Variants in FAM131B observed in about 807,000 individuals in gnomAD.
FAM131B encodes the protein family with sequence similarity 131 member B.
A neutral mutation model predicts 42.0 loss-of-function variants in FAM131B; 19 were observed. The observed-to-expected ratio is 0.45, with a 90% CI of 0.32 to 0.66. FAM131B has a LOEUF of 0.66. Ranked by LOEUF, FAM131B falls within the 30% of genes least tolerant of loss-of-function variation. The pLI, the probability that FAM131B is intolerant of heterozygous loss-of-function variation, is 0.05. For missense variants in FAM131B, 370 were observed against 468.4 expected (o/e 0.79, Z 1.94); for synonymous variants, 183 against 177.6 (o/e 1.03, Z -0.24).
At position 143,359,363 on chromosome 7, in the gene FAM131B, G is replaced by C. The variant is rs1803839281; in HGVS notation, c.231C>G (p.Ala77=). The C allele has an allele frequency of 6.2e-7, 1 of 1,613,778 alleles. No individual in the cohort carries two copies. Among genetic ancestry groups the C allele is most frequent in the Non-Finnish European group, 8.5e-7 (1 of 1,179,986 alleles). The stretch of plus-strand genomic sequence containing the variant: ...ACTTGGCCAGGGCCCCAATGCCATA[G>C]GCGTTAGAGTTTCGCTTAAGCTTCG... ...ILPKLKRNSN[A]YGIGALAKSS... Residue 77 remains alanine, a synonymous_variant, in exon 4 of 7, where the codon GCC becomes GCG. Transcript: ENST00000443739. This position sits in a 1 kb window ranked among gnomAD's most constrained non-coding sequence, Gnocchi z 5.4.
At position 143,358,117 on chromosome 7, in the gene FAM131B, T is replaced by C. The variant is rs547494034; in HGVS notation, c.467-694A>G. 3.1e-4 allele frequency among the ~76,000 whole-genome samples: 47 copies of C among 152,250 alleles called. No individual in the cohort carries two copies. Among genetic ancestry groups the C allele is most frequent in the African/African-American group, 1.0e-3 (43 of 41,542 alleles). On this transcript the variant is annotated intron_variant, in intron 5 of 6. Transcript: ENST00000443739. The surrounding 1 kb of genome is among the most constrained non-coding windows in gnomAD (Gnocchi z 4.7). ...AAAAGGGGATGGGTAGACCTGGGGA[T>C]CCCTATTCTAGTCAAATCCATGAGC...
chr7:143,359,015 C>G lies in FAM131B; in HGVS notation c.278G>C (p.Arg93Pro). The G allele has an allele frequency of 1.2e-6, 2 of 1,613,708 alleles. No individual in the cohort carries two copies. Among genetic ancestry groups the G allele is most frequent in the Non-Finnish European group, 1.7e-6 (2 of 1,180,002 alleles). Residue 93 changes from arginine (R) to proline (P), a missense_variant, in exon 5 of 7, where the codon CGG becomes CCG. Coordinates refer to ENST00000443739, the MANE Select transcript of FAM131B (RefSeq NM_001031690.3). The surrounding 1 kb of genome is among the most constrained non-coding windows in gnomAD (Gnocchi z 5.4). ...LAKSSFSGIS[R>P]SMKDHVTKPT... The stretch of plus-strand genomic sequence containing the variant: ...CTTTGTCACATGGTCCTTCATGCTC[C>G]GTGAGATCCCTATGGGGCCAGACAT...
At position 143,356,542 on chromosome 7, in the gene FAM131B, G is replaced by T; in HGVS notation, c.*8C>A. 1 of 1,602,726 alleles carries T rather than the reference G, an allele frequency of 6.2e-7. No homozygotes were observed. Among genetic ancestry groups the T allele is most frequent in the Non-Finnish European group, 8.5e-7 (1 of 1,170,592 alleles). ...TGGGAGTGGAAGGCAGGGCATTGGG[G>T]GAGGAAACTAGTTGTTGGCCTCGCC... On this transcript the variant is annotated 3_prime_UTR_variant, in exon 7 of 7. Transcript: ENST00000443739. The surrounding 1 kb of genome is among the most constrained non-coding windows in gnomAD (Gnocchi z 4.4).
At chr7:143,378,936 A>G in the FAM131B span, among the ~76,000 whole-genome samples, 2 of 152,156 alleles carry the variant, frequency 1.3e-5, no homozygotes, top group Non-Finnish European at 2.9e-5. Context: ...TTGGGCAGTG[A>G]TTCTGTTCTT....
chr7:143,365,466 A>G (rs1171152267), upstream of FAM131B, among the ~76,000 whole-genome samples: 1 of 152,200 alleles, frequency 6.6e-6, no homozygotes, highest in Admixed American at 6.5e-5. Flanking sequence ...TTTTCAGTCT[A>G]TTCTTCCAAA....
chr7:143,361,840 C>G (rs954040850), intron 1 of FAM131B: 4 of 157,076 alleles, frequency 2.5e-5, no homozygotes. Flanking sequence ...CCCCGGCCGC[C>G]GAGGCAGGGC....
chr7:143,381,284 C>G, the FAM131B span: 1 of 1,076,526 alleles, frequency 9.3e-7, no homozygotes, highest in Non-Finnish European at 1.1e-6. Flanking sequence ...CCTCTCTTCT[C>G]CCTCCCTCCT....
the FAM131B span, chr7:143,382,087 A>T: frequency 1.5e-6 from 1 of 652,940 alleles, no homozygotes; most frequent in Non-Finnish European, 2.6e-6. Context: ...GCCTTTCCTG[A>T]CCTGGTACTC....
At chr7:143,366,559 CT>C (rs34519209), upstream of FAM131B, among the ~76,000 whole-genome samples, 355 of 138,240 alleles carry the variant, frequency 2.6e-3, no homozygotes, top group Middle Eastern at 3.8e-3. Flanking sequence ...GGTCTGTATT[CT>C]TTTTTTTTTT....
At chr7:143,378,587 T>C in the FAM131B span, among the ~76,000 whole-genome samples, 2 of 151,194 alleles carry the variant, frequency 1.3e-5, 1 homozygote. Context: ...TTTTTTTTTT[T>C]TTTTGAGATG....
the FAM131B span, chr7:143,381,762 C>T: frequency 6.3e-6 from 10 of 1,577,004 alleles, no homozygotes; most frequent in Admixed American, 1.8e-5. Context: ...GGCGAGATTC[C>T]CCCGCCGCCC....
chr7:143,376,503 C>T, the FAM131B span, among the ~76,000 whole-genome samples: 79 of 152,312 alleles, frequency 5.2e-4, no homozygotes, highest in East Asian at 2.7e-3. Flanking sequence ...AAGAAGGAAA[C>T]GTGGGCATTT....
chr7:143,372,218 G>T, the FAM131B span, among the ~76,000 whole-genome samples: 2 of 152,196 alleles, frequency 1.3e-5, no homozygotes, highest in African/African-American at 4.8e-5. Flanking sequence ...TTTCTGTAGT[G>T]CCACCCAGCT....
In FAM131B at chr7:143,359,858, G is replaced by A. The variant is rs1803871361; in HGVS notation, c.139-91C>T. On this transcript the variant is annotated intron_variant, in intron 2 of 6. Transcript: ENST00000443739. The surrounding 1 kb of genome is among the most constrained non-coding windows in gnomAD (Gnocchi z 5.4). ...CCTCAGAGGGCCTTCCAGGAGTGCGGGATGTGGGGAGGGCTTTCCTGAGGT... is the reference window on the plus strand; with the variant it reads ...CCTCAGAGGGCCTTCCAGGAGTGCGAGATGTGGGGAGGGCTTTCCTGAGGT... 4 of 1,290,640 alleles carry A rather than the reference G, an allele frequency of 3.1e-6. No individual in the cohort carries two copies. Among genetic ancestry groups the A allele is most frequent in the Non-Finnish European group, 4.4e-6 (4 of 912,176 alleles). 79.9% of individuals were successfully genotyped at this position (1,290,640 alleles called of 1,614,324 possible).
the FAM131B span, among the ~76,000 whole-genome samples, chr7:143,377,021 G>A: frequency 6.6e-6 from 1 of 152,180 alleles, no homozygotes; most frequent in Non-Finnish European, 1.5e-5. Context: ...CCAGGATGGA[G>A]TGCAGTGGCA....
Position 143,356,862 on chromosome 7 carries a change from T to A in FAM131B, c.771A>T (p.Gln257His). The change falls in exon 7 of 7, where the codon CAA becomes CAT. Residue 257 changes from glutamine (Q) to histidine (H), a missense_variant. Transcript: ENST00000443739. The surrounding 1 kb of genome is among the most constrained non-coding windows in gnomAD (Gnocchi z 4.4). ...SYLGPAFDDS[Q>H]PSLHEMGPSQ... ...AAGGTCCCATTTCATGCAAGCTGGGTTGTGAGTCATCAAATGCAGGCCCAA... is the reference window on the plus strand; with the variant it reads ...AAGGTCCCATTTCATGCAAGCTGGGATGTGAGTCATCAAATGCAGGCCCAA... The A allele has an allele frequency of 1.9e-6, 3 of 1,613,998 alleles. No homozygotes were observed. The highest frequency in any genetic ancestry group is 2.5e-6 in the Non-Finnish European group (3 of 1,180,012).
rs1803601646 is a variant in FAM131B, at chr7:143,355,326, A to G, written c.*1224T>C. On this transcript the variant is annotated 3_prime_UTR_variant, in exon 7 of 7. Transcript: ENST00000443739. This position sits in a 1 kb window ranked among gnomAD's most constrained non-coding sequence, Gnocchi z 4.1. The stretch of plus-strand genomic sequence containing the variant: ...GTGCCTCACCATACACCATCCTGGA[A>G]GGAAGAATCCGCTGATTTTCCTCTC... 6.6e-6 allele frequency: 1 copy of G among 152,318 alleles called. No individual in the cohort carries two copies. Among genetic ancestry groups the G allele is most frequent in the South Asian group, 2.1e-4 (1 of 4,832 alleles). The allele number at this position is 152,318 out of a possible 1,614,324, so 9.4% of individuals were successfully genotyped here. A position where few individuals can be genotyped will look rare whatever the true frequency, so the allele number is the denominator to read the frequency against.
upstream of FAM131B, among the ~76,000 whole-genome samples, chr7:143,366,887 A>G (rs1054563440): frequency 6.6e-6 from 1 of 152,094 alleles, no homozygotes; most frequent in Non-Finnish European, 1.5e-5. Context: ...AATGAGAATG[A>G]TTTCCTAAAT....
the FAM131B span, among the ~76,000 whole-genome samples, chr7:143,369,131 T>C: frequency 6.6e-6 from 1 of 152,190 alleles, no homozygotes; most frequent in Non-Finnish European, 1.5e-5. Flanking sequence ...AAAATTCACC[T>C]CTCAGATTTT....
Sources: allele counts gnomAD v4.1 joint callset (sites outside exome capture counted in the v4.1 genomes callset), GRCh38; gene constraint gnomAD v4.1.1; non-coding constraint Gnocchi (gnomAD v3.1); transcripts MANE v1.5; gene names NCBI Gene and HGNC (gene_info 2026-07-23, HGNC 2026-07-21).